The following PDE4B variants were observed in gnomAD, a reference collection of about 807,000 sequenced individuals.
PDE4B encodes the protein phosphodiesterase 4B.
Under a neutral mutation model 82.2 loss-of-function variants are expected in PDE4B, and 20 were observed. That is an observed-to-expected ratio of 0.24 (90% CI 0.17 to 0.35). The LOEUF (loss-of-function observed/expected upper bound fraction) is 0.35. Ranked by LOEUF, PDE4B falls within the 10% of genes least tolerant of loss-of-function variation. The pLI, the probability that PDE4B is intolerant of heterozygous loss-of-function variation, is 1.00. For synonymous variants in PDE4B, 320 were observed against 318.9 expected (o/e 1.00, Z -0.04); for missense variants, 655 against 907.2 (o/e 0.72, Z 3.57).
intron 1 of PDE4B, among the ~76,000 whole-genome samples, chr1:65,857,490 G>C (rs1162076069): frequency 6.6e-6 from 1 of 151,990 alleles, no homozygotes; most frequent in Non-Finnish European, 1.5e-5. Context: ...ATAAAACTTT[G>C]CTCATGTTAA....
At chr1:66,272,541 G>A (rs756755309) in intron 7 of PDE4B, among the ~76,000 whole-genome samples, 2 of 151,974 alleles carry the variant, frequency 1.3e-5, no homozygotes, top group Non-Finnish European at 2.9e-5. Flanking sequence ...CCCTTTTTCT[G>A]TCTTTCTGAC....
At chr1:65,876,876 C>G (rs1326257961) in intron 1 of PDE4B, among the ~76,000 whole-genome samples, 6 of 152,068 alleles carry the variant, frequency 3.9e-5, no homozygotes, top group Non-Finnish European at 8.8e-5. Flanking sequence ...AGGAGAACTA[C>G]AAACCACTGC....
chr1:66,351,529 G>A (rs1026941739), intron 8 of PDE4B, among the ~76,000 whole-genome samples: 10 of 152,190 alleles, frequency 6.6e-5, no homozygotes, highest in Non-Finnish European at 1.3e-4. Flanking sequence ...CCTTTGTTAT[G>A]GTCTGAAGCA....
chr1:66,146,810 A>G (rs1646282886), intron 3 of PDE4B, among the ~76,000 whole-genome samples: 1 of 152,166 alleles, frequency 6.6e-6, no homozygotes, highest in African/African-American at 2.4e-5. Flanking sequence ...TCCTATTTTA[A>G]ACTACGTACC....
chr1:66,283,627 C>T (rs72677255), intron 7 of PDE4B, among the ~76,000 whole-genome samples: 10,187 of 152,010 alleles, frequency 0.067, 474 homozygotes, highest in South Asian at 0.15. Flanking sequence ...TTTTCTCTTT[C>T]AATATTTCTC....
intron 3 of PDE4B, among the ~76,000 whole-genome samples, chr1:66,110,821 G>A (rs1239728559): frequency 4.6e-5 from 7 of 152,002 alleles, no homozygotes; most frequent in Admixed American, 3.3e-4. Flanking sequence ...ACTATGATGA[G>A]GGTGATGACT....
At chr1:65,957,099 A>G (rs1008507697) in intron 3 of PDE4B, among the ~76,000 whole-genome samples, 4 of 148,620 alleles carry the variant, frequency 2.7e-5, no homozygotes, top group African/African-American at 9.9e-5. Context: ...ACTGATTTGC[A>G]GGCATTTTTA....
chr1:66,366,856 T>C (rs562929790), intron 13 of PDE4B, among the ~76,000 whole-genome samples: 22 of 152,300 alleles, frequency 1.4e-4, no homozygotes, highest in African/African-American at 3.6e-4. Flanking sequence ...AGAGTACTCA[T>C]TGGAGGTTGT....
intron 3 of PDE4B, among the ~76,000 whole-genome samples, chr1:66,028,472 G>C (rs1218893135): frequency 1.3e-5 from 2 of 152,164 alleles, no homozygotes; most frequent in African/African-American, 2.4e-5. Flanking sequence ...TGGTTTTGGG[G>C]ATTAACATTA....
At chr1:66,270,670 A>C (rs985638179) in intron 7 of PDE4B, among the ~76,000 whole-genome samples, 1 of 152,226 alleles carries the variant, frequency 6.6e-6, no homozygotes, top group Admixed American at 6.5e-5. Context: ...ATTAAGCAAG[A>C]ACTGTCAGGC....
At chr1:66,079,595 TAGAA>T (rs1656619672) in intron 3 of PDE4B, among the ~76,000 whole-genome samples, 1 of 152,084 alleles carries the variant, frequency 6.6e-6, no homozygotes, top group Admixed American at 6.6e-5. Context: ...GATTAGAGAA[TAGAA>T]AGAGTTATTT....
chr1:66,260,668 T>C (rs1455479109), intron 6 of PDE4B, among the ~76,000 whole-genome samples: 1 of 152,212 alleles, frequency 6.6e-6, no homozygotes. Flanking sequence ...TTTTTACCTC[T>C]GTTAGTAGTA....
intron 1 of PDE4B, among the ~76,000 whole-genome samples, chr1:65,845,963 T>G (rs886590339): frequency 2.6e-5 from 4 of 152,206 alleles, no homozygotes; most frequent in African/African-American, 9.6e-5. Context: ...TATCTTAGTA[T>G]CTTTAAGCTG....
chr1:65,868,756 C>T (rs779138815), intron 1 of PDE4B, among the ~76,000 whole-genome samples: 8 of 152,182 alleles, frequency 5.3e-5, no homozygotes, highest in East Asian at 1.9e-4. Context: ...AGCATTACCG[C>T]CTGAACTCTG....
intron 3 of PDE4B, among the ~76,000 whole-genome samples, chr1:66,006,673 G>T (rs1484473427): frequency 3.3e-5 from 5 of 152,084 alleles, no homozygotes; most frequent in African/African-American, 1.2e-4. Context: ...ATTGAATCAT[G>T]GAGGAGGTTC....
At chr1:66,304,785 C>T (rs562213563) in intron 7 of PDE4B, among the ~76,000 whole-genome samples, 8 of 152,102 alleles carry the variant, frequency 5.3e-5, no homozygotes, top group Non-Finnish European at 8.8e-5. Flanking sequence ...AAGAAATTCT[C>T]ACCTTCTTTT....
At chr1:66,051,516 T>C (rs1297786396) in intron 3 of PDE4B, among the ~76,000 whole-genome samples, 1 of 152,186 alleles carries the variant, frequency 6.6e-6, no homozygotes, top group Admixed American at 6.6e-5. Flanking sequence ...AGATTTCTTT[T>C]CCTTTATTCC....
intron 1 of PDE4B, among the ~76,000 whole-genome samples, chr1:65,876,847 G>A (rs371313592): frequency 2.6e-5 from 4 of 152,110 alleles, no homozygotes; most frequent in Non-Finnish European, 4.4e-5. Flanking sequence ...TACAAGGGAC[G>A]TGAAGAAGGA....
In PDE4B at chr1:66,034,271, A is replaced by G. The variant is rs181200265; in HGVS notation, c.281+115436A>G. On this transcript the variant is annotated intron_variant, in intron 3 of 16. Coordinates refer to ENST00000341517, the MANE Select transcript of PDE4B (RefSeq NM_002600.4). The stretch of plus-strand genomic sequence containing the variant: ...TGCAGCTATTTAATAAAGATTTACA[A>G]CTCTAGGTTTCTGTTAAATAACAAG... 3.7e-3 allele frequency among the ~76,000 whole-genome samples: 564 copies of G among 152,260 alleles called. 4 individuals carry two copies. The highest frequency in any genetic ancestry group is 0.01 in the Middle Eastern group (3 of 294).
Sources: gnomAD v4.1 joint callset for allele counts (sites outside exome capture counted in the v4.1 genomes callset) on GRCh38, gnomAD v4.1.1 for gene constraint, MANE v1.5 for transcripts, NCBI Gene and HGNC (gene_info 2026-07-23, HGNC 2026-07-21) for gene names.